Variants in GRHL2 observed in about 807,000 individuals in gnomAD.
GRHL2 encodes the protein grainyhead like transcription factor 2.
GRHL2 carries 21 observed loss-of-function variants against 83.8 expected under a neutral mutation model. That is an observed-to-expected ratio of 0.25 (90% CI 0.18 to 0.36). The LOEUF (loss-of-function observed/expected upper bound fraction) is 0.36. GRHL2 is among the 10% of genes least tolerant of loss of function. The pLI is 1.00. For missense variants in GRHL2, 623 were observed against 781.8 expected (o/e 0.80, Z 2.42); for synonymous variants, 280 against 278.9 (o/e 1.00, Z -0.04).
At chr8:101,632,179 AGTCATATAT>A (rs1813198292) in intron 10 of GRHL2, 38 bp from the exon 11 acceptor site, 11 of 1,606,890 alleles carry the variant, frequency 6.8e-6, no homozygotes, top group Middle Eastern at 1.7e-4. Flanking sequence ...GAGAGTTCTT[AGTCATATAT>A]GACTCTCTCA....
intron 1 of GRHL2, among the ~76,000 whole-genome samples, chr8:101,527,319 T>C (rs1191177985): frequency 6.6e-6 from 1 of 152,222 alleles, no homozygotes; most frequent in Non-Finnish European, 1.5e-5. Context: ...TTACTCTCCT[T>C]ACGTACAAAG....
chr8:101,666,627 A>G lies in GRHL2; in HGVS notation c.1802A>G (p.Tyr601Cys). The G allele has an allele frequency of 1.2e-6, 2 of 1,612,808 alleles. No homozygotes were observed. The highest frequency in any genetic ancestry group is 1.7e-6 in the Non-Finnish European group (2 of 1,178,958). The stretch of plus-strand genomic sequence containing the variant: ...ATGGATGACAACATCATCGAGCACT[A>G]CTCGAACGAGGACACCTTCATCCTC... Reference protein sequence around the residue: ...VNMDDNIIEHYSNEDTFILNM... With the variant: ...VNMDDNIIEHCSNEDTFILNM... Residue 601 changes from tyrosine (Y) to cysteine (C), a missense_variant, in exon 16 of 16, where the codon TAC becomes TGC. Tyr to Cys is a radical substitution (Grantham distance 194). Coordinates refer to ENST00000646743, the MANE Select transcript of GRHL2 (RefSeq NM_024915.4).
chr8:101,667,070 G>T lies in GRHL2; in HGVS notation c.*367G>T. On this transcript the variant is annotated 3_prime_UTR_variant, in exon 16 of 16. Coordinates refer to ENST00000646743, the MANE Select transcript of GRHL2 (RefSeq NM_024915.4). ...TCAAGAGAAACACTCATCCCGAACA[G>T]CCTAAAAAATTCCCATCCCTTCTCT... 3.0e-6 allele frequency: 1 copy of T among 328,838 alleles called. No individual in the cohort carries two copies. The highest frequency in any genetic ancestry group is 3.6e-5 in the South Asian group (1 of 27,672). The allele number at this position is 328,838 out of a possible 1,614,324, so 20.4% of individuals were successfully genotyped here.
At chr8:101,565,946 G>C (rs1357510242) in intron 4 of GRHL2, among the ~76,000 whole-genome samples, 1 of 152,114 alleles carries the variant, frequency 6.6e-6, no homozygotes, top group Non-Finnish European at 1.5e-5. Context: ...ATGATCATTA[G>C]TCCATTGATT....
intron 13 of GRHL2, among the ~76,000 whole-genome samples, chr8:101,647,111 G>A (rs1039209363): frequency 7.9e-5 from 12 of 152,234 alleles, no homozygotes; most frequent in Non-Finnish European, 1.5e-4. Flanking sequence ...GGGACCAGGC[G>A]TGGTGGCTCA....
In GRHL2 at chr8:101,558,329, T is replaced by A. The variant is rs1392020012; in HGVS notation, c.285-90T>A. The A allele has an allele frequency of 5.5e-6, 8 of 1,458,372 alleles. No homozygotes were observed. The Admixed American group carries it at 1.3e-4, about 25-fold the overall frequency. The allele number at this position is 1,458,372 out of a possible 1,614,324, so 90.3% of individuals were successfully genotyped here. On this transcript the variant is annotated intron_variant, in intron 3 of 15. Transcript: ENST00000646743. ...GTCCCTTAATGGCATTAACATCCAA[T>A]GATTATTGCCTGCATTGGTTATTCT...
intron 7 of GRHL2, among the ~76,000 whole-genome samples, chr8:101,590,919 T>C (rs1024782367): frequency 6.6e-6 from 1 of 152,182 alleles, no homozygotes; most frequent in Non-Finnish European, 1.5e-5. Flanking sequence ...ATTATGCCAC[T>C]CCTTTTAATC....
rs563323335 is a variant in GRHL2, at chr8:101,650,672, T to A, written c.1698+1173T>A. On this transcript the variant is annotated intron_variant, in intron 14 of 15. Coordinates refer to ENST00000646743, the MANE Select transcript of GRHL2 (RefSeq NM_024915.4). The stretch of plus-strand genomic sequence containing the variant: ...GGATGGGGGTAGGAGGTGGAACAAC[T>A]GCTTAATGGGTTTTCTTTGGGGGGG... 3.3e-5 allele frequency among the ~76,000 whole-genome samples: 5 copies of A among 152,130 alleles called. No individual in the cohort carries two copies. The South Asian group carries it at 1.0e-3, about 32-fold the overall frequency.
intron 1 of GRHL2, among the ~76,000 whole-genome samples, chr8:101,496,231 T>TTG (rs1034538885): frequency 6.6e-6 from 1 of 152,132 alleles, no homozygotes; most frequent in Admixed American, 6.5e-5. Flanking sequence ...TTCAGTCATT[T>TTG]TGTGTGTTTT....
chr8:101,502,302 G>A (rs956242303), intron 1 of GRHL2, among the ~76,000 whole-genome samples: 5 of 152,132 alleles, frequency 3.3e-5, no homozygotes, highest in African/African-American at 1.2e-4. Context: ...TGGGCTGGTG[G>A]TGGCTCACAG....
intron 1 of GRHL2, among the ~76,000 whole-genome samples, chr8:101,520,942 ACT>A (rs1329836095): frequency 6.6e-6 from 1 of 152,190 alleles, no homozygotes; most frequent in Non-Finnish European, 1.5e-5. Flanking sequence ...GTGTTTGAAT[ACT>A]TTCACAGTAA....
At position 101,552,920 on chromosome 8, in the gene GRHL2, A is replaced by T; in HGVS notation, c.284+138A>T. On this transcript the variant is annotated intron_variant, in intron 3 of 15. Transcript: ENST00000646743. ...CTATCTGTCTTTTGAGTCTGGACCAATGCTAGATCTCTCAATGAGGAGAGC... is the reference window on the plus strand; with the variant it reads ...CTATCTGTCTTTTGAGTCTGGACCATTGCTAGATCTCTCAATGAGGAGAGC... The T allele has an allele frequency of 3.6e-6, 3 of 824,696 alleles. No homozygotes were observed. In the Admixed American group the frequency reaches 6.1e-5, roughly 17 times the overall value. 51.1% of individuals were successfully genotyped at this position (824,696 alleles called of 1,614,324 possible). A position where few individuals can be genotyped will look rare whatever the true frequency, so the allele number is the denominator to read the frequency against.
At chr8:101,578,839 G>A (rs932226675) in intron 7 of GRHL2, among the ~76,000 whole-genome samples, 11 of 152,316 alleles carry the variant, frequency 7.2e-5, no homozygotes, top group South Asian at 4.1e-4. Flanking sequence ...AGAGTTTAAT[G>A]ACTAGGATAG....
chr8:101,643,330 A>G (rs1346626225), intron 12 of GRHL2, among the ~76,000 whole-genome samples: 1 of 141,638 alleles, frequency 7.1e-6, no homozygotes, highest in Admixed American at 7.7e-5. Flanking sequence ...ACATTTTCTC[A>G]GTATCAATGA....
intron 8 of GRHL2, among the ~76,000 whole-genome samples, chr8:101,612,241 C>T (rs1193650805): frequency 2.6e-5 from 4 of 151,164 alleles, no homozygotes; most frequent in East Asian, 3.9e-4. Context: ...CCACCTGCCT[C>T]GGCCTCCCAA....
chr8:101,517,270 C>T (rs1810591843), intron 1 of GRHL2, among the ~76,000 whole-genome samples: 1 of 152,112 alleles, frequency 6.6e-6, no homozygotes, highest in South Asian at 2.1e-4. Context: ...CCCAGTTTTC[C>T]TTCCTTCAAA....
intron 7 of GRHL2, among the ~76,000 whole-genome samples, chr8:101,580,150 T>C (rs906688923): frequency 1.3e-5 from 2 of 152,114 alleles, no homozygotes; most frequent in Non-Finnish European, 2.9e-5. Context: ...GCCCCTTAGC[T>C]AAAGCAAGGG....
At chr8:101,586,065 CTTTTTT>C (rs67985027) in intron 7 of GRHL2, among the ~76,000 whole-genome samples, 44 of 94,362 alleles carry the variant, frequency 4.7e-4, no homozygotes, top group African/African-American at 1.1e-3. Flanking sequence ...CCTCATGTTT[CTTTTTT>C]TTTTTTTTTT....
At chr8:101,586,080 T>C (rs997056641) in intron 7 of GRHL2, among the ~76,000 whole-genome samples, 5 of 129,080 alleles carry the variant, frequency 3.9e-5, no homozygotes, top group Non-Finnish European at 8.2e-5. Context: ...TTTTTTTTTT[T>C]TTTTTTTTTT....
Sources: gnomAD v4.1 joint callset for allele counts (sites outside exome capture counted in the v4.1 genomes callset) on GRCh38, gnomAD v4.1.1 for gene constraint, MANE v1.5 for transcripts, NCBI Gene and HGNC (gene_info 2026-07-23, HGNC 2026-07-21) for gene names.